Variants in ST8SIA6 observed in about 807,000 individuals in gnomAD.
The protein encoded by ST8SIA6 is ST8 alpha-N-acetyl-neuraminide alpha-2,8-sialyltransferase 6, also known as alpha-2,8-sialyltransferase 8F.
In ST8SIA6, 39 loss-of-function variants were observed where a neutral mutation model predicts 33.6. That is an observed-to-expected ratio of 1.16 (90% CI 0.90 to 1.52). The LOEUF (loss-of-function observed/expected upper bound fraction) is 1.52, where lower values mean the gene tolerates loss of function less well. Ranked by LOEUF, ST8SIA6 falls within the 40% of genes most tolerant of loss-of-function variation. The pLI is 0.00. For synonymous variants in ST8SIA6, 172 were observed against 167.2 expected (o/e 1.03, Z -0.22); for missense variants, 441 against 443.8 (o/e 0.99, Z 0.06).
At chr10:17,353,017 TG>T in intron 4 of ST8SIA6, among the ~76,000 whole-genome samples, 1 of 152,266 alleles carries the variant, frequency 6.6e-6, no homozygotes, top group South Asian at 2.1e-4. Flanking sequence ...TCACCCTGTA[TG>T]AATTGTAAAC....
At chr10:17,370,052 C>T (rs1336039428) in intron 3 of ST8SIA6, among the ~76,000 whole-genome samples, 2 of 150,972 alleles carry the variant, frequency 1.3e-5, no homozygotes, top group Non-Finnish European at 2.9e-5. Context: ...ATGATCTCGG[C>T]TCACTGCAAG....
chr10:17,442,921 C>G (rs1245765509), intron 2 of ST8SIA6, among the ~76,000 whole-genome samples: 1 of 152,106 alleles, frequency 6.6e-6, no homozygotes, highest in Non-Finnish European at 1.5e-5. Flanking sequence ...AAACTCAAAT[C>G]CCAAAAAGCT....
chr10:17,379,132 A>C (rs75549357), intron 3 of ST8SIA6, among the ~76,000 whole-genome samples: 2,268 of 121,246 alleles, frequency 0.019, 34 homozygotes, highest in Non-Finnish European at 0.023. Flanking sequence ...GTCTCAAAAA[A>C]AAAACAAAAA....
chr10:17,350,867 T>C lies in ST8SIA6; in HGVS notation c.377+8647A>G, dbSNP rs183825566. On this transcript the variant is annotated intron_variant, in intron 4 of 7. Transcript: ENST00000377602. The stretch of plus-strand genomic sequence containing the variant: ...ATGACACTAATCTCAGAGTAGAGTT[T>C]GATCTTCAAACTAGGGCTCCCTCAA... 2.5e-3 allele frequency among the ~76,000 whole-genome samples: 385 copies of C among 152,220 alleles called. 2 individuals are homozygous for C. The highest frequency in any genetic ancestry group is 8.9e-3 in the African/African-American group (371 of 41,546).
At position 17,454,322 on chromosome 10, in the gene ST8SIA6, C is replaced by G. The variant is rs954707414; in HGVS notation, c.-67G>C. On this transcript the variant is annotated 5_prime_UTR_variant, in exon 1 of 8. Transcript: ENST00000377602. This position sits in a 1 kb window ranked among gnomAD's most constrained non-coding sequence, Gnocchi z 4.1. ...AAGCACAGCCCGGGCGGCCCCGACT[C>G]GCGGCTCCCGCCGCCGCCGCCACCG... 4 of 170,070 alleles carry G rather than the reference C, an allele frequency of 2.4e-5. No homozygotes were observed. Among genetic ancestry groups the G allele is most frequent in the Non-Finnish European group, 4.9e-5 (4 of 81,214 alleles). The allele number at this position is 170,070 out of a possible 1,614,324, so 10.5% of individuals were successfully genotyped here.
At chr10:17,443,693 GA>G (rs774730248) in intron 2 of ST8SIA6, among the ~76,000 whole-genome samples, 2 of 152,210 alleles carry the variant, frequency 1.3e-5, no homozygotes, top group Non-Finnish European at 2.9e-5. Flanking sequence ...TGAGGACATA[GA>G]AAAGATGGGC....
chr10:17,355,869 A>G (rs778860267), intron 4 of ST8SIA6, among the ~76,000 whole-genome samples: 4 of 152,184 alleles, frequency 2.6e-5, no homozygotes, highest in African/African-American at 4.8e-5. Flanking sequence ...GCTCCAGCCC[A>G]GCTGGCCTTG....
At chr10:17,357,921 G>C (rs1380731422) in intron 4 of ST8SIA6, among the ~76,000 whole-genome samples, 2 of 152,106 alleles carry the variant, frequency 1.3e-5, no homozygotes, top group Admixed American at 6.6e-5. Flanking sequence ...CTCAAAATCA[G>C]ACTCTGTTAT....
intron 3 of ST8SIA6, among the ~76,000 whole-genome samples, chr10:17,374,768 T>TATATATATATATACACACATA (rs1554792825): frequency 6.8e-6 from 1 of 147,234 alleles, no homozygotes. Context: ...TATATATATA[T>TATATATATATATACACACATA]TTAGCTCAAC....
Position 17,331,458 on chromosome 10 carries a change from T to C in ST8SIA6, c.472A>G (p.Ser158Gly). 1 of 1,613,778 alleles carries C rather than the reference T, an allele frequency of 6.2e-7. No homozygotes were observed. The highest frequency in any genetic ancestry group is 1.1e-5 in the South Asian group (1 of 90,962). ...VGTNMSYEVE[S>G]KKEIPIKKNI... is the part of the protein sequence containing the mutation. ...TTCTTAATTGGGATTTCTTTTTTGC[T>C]TTCCACCTCGTAACTCATATTAGTC... is the stretch of plus-strand genomic sequence containing the variant. Residue 158 changes from serine (S) to glycine (G), a missense_variant, in exon 5 of 8, where the codon AGC becomes GGC. Coordinates refer to ENST00000377602, the MANE Select transcript of ST8SIA6 (RefSeq NM_001004470.3).
At position 17,315,892 on chromosome 10, in the gene ST8SIA6, CAT is replaced by C. The variant is rs1332141933; in HGVS notation, c.*4984_*4985del. ...TGTGCCATTTATTACATGTCAATGACATGGGATAATACTGATTTTTCTTTTCA... is the reference window on the plus strand; with the variant it reads ...TGTGCCATTTATTACATGTCAATGACGGGATAATACTGATTTTTCTTTTCA... On this transcript the variant is annotated 3_prime_UTR_variant, in exon 8 of 8. Transcript: ENST00000377602. Among the ~76,000 whole-genome samples the C allele has an allele frequency of 2.6e-5, 4 of 151,866 alleles. No individual in the cohort carries two copies. The highest frequency in any genetic ancestry group is 9.7e-5 in the African/African-American group (4 of 41,398).
chr10:17,319,360 G>T lies in ST8SIA6; in HGVS notation c.*1518C>A, dbSNP rs901580366. Among the ~76,000 whole-genome samples, 3 of 152,064 alleles carry T rather than the reference G, an allele frequency of 2.0e-5. No individual in the cohort carries two copies. Among genetic ancestry groups the T allele is most frequent in the African/African-American group, 7.2e-5 (3 of 41,404 alleles). ...ATAACACACTTTATGAAATCTCGGG[G>T]TGTCTGTTTAGCCAAAGATTTTTGG... On this transcript the variant is annotated 3_prime_UTR_variant, in exon 8 of 8. Transcript: ENST00000377602.
chr10:17,414,959 G>A (rs932272076), intron 2 of ST8SIA6, among the ~76,000 whole-genome samples: 3 of 151,814 alleles, frequency 2.0e-5, no homozygotes, highest in African/African-American at 7.3e-5. Flanking sequence ...AGTATGTTCT[G>A]GCTCCTGCCC....
Position 17,321,196 on chromosome 10 carries a change from T to C in ST8SIA6, c.879A>G (p.Arg293=). The part of the protein sequence containing the change: ...VYYTLEESKA[R]QKVLFFHPKY... ...TGGGATGGAAAAATAGAACCTTTTG[T>C]CTTGCTTTAGACTCTTCGAGCGTGT... The change falls in exon 8 of 8, where the codon AGA becomes AGG. Residue 293 remains arginine (R), a synonymous_variant. Coordinates refer to ENST00000377602, the MANE Select transcript of ST8SIA6 (RefSeq NM_001004470.3). 1.2e-6 allele frequency: 2 copies of C among 1,614,110 alleles called. No individual in the cohort carries two copies. Among genetic ancestry groups the C allele is most frequent in the Non-Finnish European group, 1.7e-6 (2 of 1,179,994 alleles).
At chr10:17,380,871 A>T (rs1289860463) in intron 3 of ST8SIA6, among the ~76,000 whole-genome samples, 1 of 139,824 alleles carries the variant, frequency 7.2e-6, no homozygotes, top group Admixed American at 7.2e-5. Context: ...ATGTGTTTGT[A>T]TGTGTACACG....
At chr10:17,439,269 CT>C (rs1564465565) in intron 2 of ST8SIA6, among the ~76,000 whole-genome samples, 1 of 138,402 alleles carries the variant, frequency 7.2e-6, no homozygotes, top group Non-Finnish European at 1.5e-5. Flanking sequence ...CTTCTTCCCT[CT>C]CTTTTTTTTT....
At chr10:17,386,396 G>A (rs1012968831) in intron 3 of ST8SIA6, among the ~76,000 whole-genome samples, 11 of 151,656 alleles carry the variant, frequency 7.3e-5, no homozygotes, top group Admixed American at 3.3e-4. Flanking sequence ...AAAATTAGCC[G>A]GGCGTGGTGG....
At chr10:17,329,774 T>G (rs1442630114) in intron 5 of ST8SIA6, among the ~76,000 whole-genome samples, 1 of 152,194 alleles carries the variant, frequency 6.6e-6, no homozygotes, top group Non-Finnish European at 1.5e-5. Flanking sequence ...TTAAATAAAT[T>G]ACAAATCTCA....
chr10:17,442,389 C>G (rs1264233854), intron 2 of ST8SIA6, among the ~76,000 whole-genome samples: 1 of 152,108 alleles, frequency 6.6e-6, no homozygotes, highest in Non-Finnish European at 1.5e-5. Context: ...CACTTTTTAG[C>G]TTAGAATGTG....
Sources: allele counts gnomAD v4.1 joint callset (sites outside exome capture counted in the v4.1 genomes callset), GRCh38; gene constraint gnomAD v4.1.1; non-coding constraint Gnocchi (gnomAD v3.1); transcripts MANE v1.5; gene names NCBI Gene and HGNC (gene_info 2026-07-23, HGNC 2026-07-21).